ZNF365: variants seen among roughly 807,000 people sequenced by gnomAD.
The protein encoded by ZNF365 is protein ZNF365.
ZNF365 carries 22 observed loss-of-function variants against 35.0 expected under a neutral mutation model. That is an observed-to-expected ratio of 0.63 (90% CI 0.45 to 0.90). The LOEUF is 0.90. Among genes scored for constraint, ZNF365 ranks in the 40% least tolerant of loss-of-function variants. ZNF365 has a pLI of 0.00. For synonymous variants in ZNF365, 188 were observed against 196.2 expected (o/e 0.96, Z 0.35); for missense variants, 448 against 500.3 (o/e 0.90, Z 1.00).
At chr10:62,441,746 AACTGG>A (rs971703733) in intron 3 of ZNF365, among the ~76,000 whole-genome samples, 2 of 152,174 alleles carry the variant, frequency 1.3e-5, no homozygotes, top group African/African-American at 4.8e-5. Context: ...TCCAGCAAAT[AACTGG>A]ACCTATTTTA....
At chr10:62,462,973 G>A (rs1027653709) in intron 4 of ZNF365, among the ~76,000 whole-genome samples, 11 of 152,168 alleles carry the variant, frequency 7.2e-5, no homozygotes, top group African/African-American at 2.4e-4. Flanking sequence ...GTGGGAAGCC[G>A]TAAAGGTTGA....
intron 3 of ZNF365, among the ~76,000 whole-genome samples, chr10:62,411,293 A>G (rs1280826324): frequency 6.6e-6 from 1 of 152,044 alleles, no homozygotes; most frequent in Non-Finnish European, 1.5e-5. Flanking sequence ...CAGATTCCAC[A>G]TGTCAATTTT....
At chr10:62,380,675 A>C (rs745478825) in intron 2 of ZNF365, among the ~76,000 whole-genome samples, 2 of 152,210 alleles carry the variant, frequency 1.3e-5, no homozygotes, top group Non-Finnish European at 2.9e-5. Context: ...GAAGTTGCTC[A>C]TTGTCTTGAC....
chr10:62,467,605 T>G (rs1353234033), intron 4 of ZNF365, among the ~76,000 whole-genome samples: 1 of 152,194 alleles, frequency 6.6e-6, no homozygotes, highest in African/African-American at 2.4e-5. Flanking sequence ...ACTACACATA[T>G]GGGTTGAGGG....
intron 2 of ZNF365, among the ~76,000 whole-genome samples, chr10:62,383,246 C>A (rs1300060586): frequency 6.6e-6 from 1 of 152,108 alleles, no homozygotes; most frequent in East Asian, 1.9e-4. Context: ...CACACAAGGT[C>A]CCTGAACTCA....
At chr10:62,423,293 G>A (rs1840202280) in intron 3 of ZNF365, among the ~76,000 whole-genome samples, 1 of 150,872 alleles carries the variant, frequency 6.6e-6, no homozygotes, top group African/African-American at 2.4e-5. Flanking sequence ...TCAAGCTTTA[G>A]GAGTTCTAAA....
At chr10:62,445,899 G>T (rs1389808728) in intron 3 of ZNF365, among the ~76,000 whole-genome samples, 2 of 152,162 alleles carry the variant, frequency 1.3e-5, no homozygotes, top group African/African-American at 2.4e-5. Context: ...CAGAGATCCA[G>T]CATCTTCTAT....
chr10:62,423,362 C>T (rs1840203018), intron 3 of ZNF365, among the ~76,000 whole-genome samples: 1 of 152,042 alleles, frequency 6.6e-6, no homozygotes, highest in Non-Finnish European at 1.5e-5. Flanking sequence ...TATTTGACTC[C>T]AAGACTCCTA....
In ZNF365 at chr10:62,453,665, T is replaced by C. The variant is rs371984377; in HGVS notation, c.925-6076T>C. On this transcript the variant is annotated intron_variant, in intron 3 of 4. Transcript: ENST00000395255. ...GGTAGATACCCAGCAGTGGGATTGC[T>C]GGATCAAATGGTAGTTCTATTTTTA... 2.3e-4 allele frequency among the ~76,000 whole-genome samples: 35 copies of C among 152,336 alleles called. No homozygotes were observed. The East Asian group carries it at 4.0e-3, about 18-fold the overall frequency.
chr10:62,402,859 T>A (rs1839851722), downstream of ZNF365, among the ~76,000 whole-genome samples: 1 of 152,202 alleles, frequency 6.6e-6, no homozygotes, highest in South Asian at 2.1e-4. Flanking sequence ...TCAGAATAGA[T>A]AACAGAGAGA....
intron 3 of ZNF365, among the ~76,000 whole-genome samples, chr10:62,435,570 T>A (rs1840394697): frequency 1.3e-5 from 2 of 152,202 alleles, no homozygotes; most frequent in Non-Finnish European, 2.9e-5. Flanking sequence ...CAAGATACCA[T>A]AGACTTTTAA....
Position 62,422,507 on chromosome 10 carries a change from A to G in ZNF365, c.924+33931A>G, listed in dbSNP as rs868417391. ...GGACTGCTGTGAAAACCACTCCACT[A>G]TTTAGACCTAATGACCAAGCAGACC... is the stretch of plus-strand genomic sequence containing the variant. On this transcript the variant is annotated intron_variant, in intron 3 of 4. Coordinates refer to the ZNF365 transcript ENST00000395255. Among the ~76,000 whole-genome samples the G allele has an allele frequency of 3.3e-5, 5 of 152,234 alleles. No homozygotes were observed. The Middle Eastern group carries it at 0.01, about 311-fold the overall frequency.
chr10:62,388,475 A>G lies in ZNF365; in HGVS notation c.823A>G (p.Ile275Val). 1.2e-6 allele frequency: 2 copies of G among 1,614,210 alleles called. No homozygotes were observed. The highest frequency in any genetic ancestry group is 1.7e-6 in the Non-Finnish European group (2 of 1,180,038). ...VQGKARLQDF[I>V]ENLLQRVELA... ...AGGGAAAGCCCGGCTCCAGGACTTT[A>G]TTGAGAATCTGTTACAGCGGGTAGA... The change falls in exon 3 of 5, where the codon ATT (isoleucine) becomes GTT (valine). Residue 275 changes from isoleucine to valine, a missense_variant. This residue lies in a region of ZNF365 where 362 missense variants were observed against 375.7 expected (regional missense o/e 0.96). Transcript: ENST00000395254.
Position 62,401,621 on chromosome 10 carries a change from C to T in ZNF365, c.*1832C>T, listed in dbSNP as rs752669573. 3.0e-6 allele frequency: 3 copies of T among 983,826 alleles called. No individual in the cohort carries two copies. The highest frequency in any genetic ancestry group is 3.6e-6 in the Non-Finnish European group (3 of 828,402). 60.9% of individuals were successfully genotyped at this position (983,826 alleles called of 1,614,324 possible). On this transcript the variant is annotated 3_prime_UTR_variant, in exon 5 of 5. Transcript: ENST00000395254. ...TATTATTTATTTGGAGAATTAACTT[C>T]CCCCTCTAAAGTTATTTATTATTGA...
chr10:62,398,826 A>G (rs777278378), intron 4 of ZNF365, 49 bp downstream of exon 4: 3 of 1,545,402 alleles, frequency 1.9e-6, no homozygotes, highest in Non-Finnish European at 2.6e-6. Flanking sequence ...TTTGTATTGT[A>G]TGTTTTCCTG....
intron 3 of ZNF365, among the ~76,000 whole-genome samples, chr10:62,413,630 C>T (rs1233984032): frequency 6.6e-6 from 1 of 151,728 alleles, no homozygotes; most frequent in Non-Finnish European, 1.5e-5. Flanking sequence ...TAAAAATGTT[C>T]TGTAGTCCAG....
rs1841198216 is a variant in ZNF365, at chr10:62,480,060, G to T, written c.*164G>T. On this transcript the variant is annotated 3_prime_UTR_variant, in exon 5 of 5. Coordinates refer to the ZNF365 transcript ENST00000395255. ...GGCTACTTGGTGACTTTACTCACCA[G>T]GAGTGGGTTCAGACTCCTGATGGAT... 5 of 1,361,592 alleles carry T rather than the reference G, an allele frequency of 3.7e-6. No individual in the cohort carries two copies. In the South Asian group the frequency reaches 6.0e-5, roughly 16 times the overall value. 84.3% of individuals were successfully genotyped at this position (1,361,592 alleles called of 1,614,324 possible). A position where few individuals can be genotyped will look rare whatever the true frequency, so the allele number is the denominator to read the frequency against.
intron 3 of ZNF365, among the ~76,000 whole-genome samples, chr10:62,395,504 ATTT>A (rs67866839): frequency 1.3e-4 from 13 of 98,458 alleles, no homozygotes; most frequent in African/African-American, 1.5e-4. Flanking sequence ...CACCCGGCTA[ATTT>A]TTTTTTTTTT....
intron 3 of ZNF365, among the ~76,000 whole-genome samples, chr10:62,428,002 G>A (rs926038573): frequency 1.3e-5 from 2 of 152,102 alleles, no homozygotes; most frequent in Non-Finnish European, 2.9e-5. Flanking sequence ...AACCAAGAGT[G>A]GCGTAGGAAC....
Sources: allele counts gnomAD v4.1 joint callset (sites outside exome capture counted in the v4.1 genomes callset), GRCh38; gene constraint gnomAD v4.1.1; regional missense constraint gnomAD v4.1.1; transcripts MANE v1.5; gene names NCBI Gene and HGNC (gene_info 2026-07-23, HGNC 2026-07-21).